The following LRRCC1 variants were observed in gnomAD, a reference collection of about 807,000 sequenced individuals.
The protein encoded by LRRCC1 is leucine rich repeat and coiled-coil centrosomal protein 1.
Under a neutral mutation model 126.0 loss-of-function variants are expected in LRRCC1, and 115 were observed. That is an observed-to-expected ratio of 0.91 (90% CI 0.78 to 1.07). The LOEUF is 1.07. Among genes scored for constraint, LRRCC1 ranks in the 50% least tolerant of loss-of-function variants. The pLI, the probability that LRRCC1 is intolerant of heterozygous loss-of-function variation, is 0.00. For synonymous variants in LRRCC1, 400 were observed against 393.4 expected, an observed-to-expected ratio of 1.02 and a Z score of -0.20; for missense variants, 1,172 against 1,175.7, an observed-to-expected ratio of 1.00 and a Z score of 0.05.
intron 10 of LRRCC1, 88 bp downstream of exon 10, chr8:85,129,467 C>T: frequency 8.7e-7 from 1 of 1,147,386 alleles, no homozygotes. Flanking sequence ...CCTAGAAAAC[C>T]TAAAAGATGT....
At chr8:85,121,665 T>TC (rs1489724359) in intron 6 of LRRCC1, among the ~76,000 whole-genome samples, 1 of 152,198 alleles carries the variant, frequency 6.6e-6, no homozygotes, top group Non-Finnish European at 1.5e-5. Flanking sequence ...GGTCTTGAAC[T>TC]CCCAAGCTCA....
At chr8:85,123,068 TA>T (rs1809690877) in intron 6 of LRRCC1, among the ~76,000 whole-genome samples, 2 of 152,204 alleles carry the variant, frequency 1.3e-5, no homozygotes, top group South Asian at 4.1e-4. Context: ...ATTCTCAGGC[TA>T]AAAACCATAA....
At chr8:85,141,057 C>T (rs1395513163) in intron 17 of LRRCC1, among the ~76,000 whole-genome samples, 8 of 151,920 alleles carry the variant, frequency 5.3e-5, no homozygotes, top group Non-Finnish European at 4.4e-5. Flanking sequence ...CACAGCCAGA[C>T]CCTGTCTCAA....
At position 85,115,129 on chromosome 8, in the gene LRRCC1, C is replaced by T; in HGVS notation, c.574C>T (p.Pro192Ser). Residue 192 changes from proline to serine, a missense_variant, in exon 5 of 19, where the codon CCA becomes TCA. Physicochemically the swap from Pro to Ser is moderately conservative, Grantham distance 74. Coordinates refer to ENST00000360375, the MANE Select transcript of LRRCC1 (RefSeq NM_033402.5). Reference protein sequence around the residue: ...GYRAVILQTLPQLRILDCKNI... With the variant: ...GYRAVILQTLSQLRILDCKNI... ...CAGAGCAGTTATTCTCCAGACTTTG[C>T]CACAGCTTAGAATCCTAGATTGCAA... The T allele has an allele frequency of 1.2e-6, 2 of 1,607,434 alleles. No homozygotes were observed.
intron 17 of LRRCC1, among the ~76,000 whole-genome samples, chr8:85,141,132 C>G (rs1811220574): frequency 2.0e-5 from 3 of 152,018 alleles, no homozygotes; most frequent in Admixed American, 2.0e-4. Context: ...CTCTAACTTT[C>G]AGAAAATGAA....
rs1181544268 is a variant in LRRCC1 at position 85,113,095 on chromosome 8, G to T, written c.540G>T (p.Leu180=). ...GAGACGATAATCCTGTCTGTCGACT[G>T]CCAGGTATGAATAATTAATTTAATA... is the stretch of plus-strand genomic sequence containing the variant. The part of the protein sequence containing the change: ...KDGDDNPVCR[L]PGYRAVILQT... Residue 180 remains leucine (L), a synonymous_variant, in exon 4 of 19, where the codon CTG becomes CTT. Coordinates refer to ENST00000360375, the MANE Select transcript of LRRCC1 (RefSeq NM_033402.5). 1 of 1,602,328 alleles carries T rather than the reference G, an allele frequency of 6.2e-7. No individual in the cohort carries two copies. Among genetic ancestry groups the T allele is most frequent in the Middle Eastern group, 1.7e-4 (1 of 6,032 alleles).
intron 3 of LRRCC1, 109 bp from the exon 4 acceptor site, chr8:85,112,823 T>G (rs573605488): frequency 6.2e-5 from 42 of 672,892 alleles, no homozygotes; most frequent in African/African-American, 3.1e-4. Context: ...CAGCAAGATC[T>G]AATGCTGCCC....
intron 17 of LRRCC1, among the ~76,000 whole-genome samples, chr8:85,138,846 ACTAGC>A (rs1811056411): frequency 6.6e-6 from 1 of 152,078 alleles, no homozygotes; most frequent in Non-Finnish European, 1.5e-5. Context: ...GGAGTTCAAG[ACTAGC>A]CTGGCCAACA....
chr8:85,127,544 G>C (rs1011349087), intron 9 of LRRCC1, among the ~76,000 whole-genome samples: 5 of 152,076 alleles, frequency 3.3e-5, no homozygotes, highest in African/African-American at 1.2e-4. Flanking sequence ...AGTTGCTCTT[G>C]GTTCCATTTC....
At chr8:85,132,099 C>T (rs913291783) in intron 12 of LRRCC1, 138 bp downstream of exon 12, 1 of 683,914 alleles carries the variant, frequency 1.5e-6, no homozygotes, top group African/African-American at 1.8e-5. Context: ...TCTTAGAGGC[C>T]TTAGTTTCCT....
intron 14 of LRRCC1, 99 bp from the exon 15 acceptor site, chr8:85,137,365 G>T: frequency 1.4e-6 from 1 of 715,314 alleles, no homozygotes; most frequent in Non-Finnish European, 2.0e-6. Context: ...TCTTTATTTA[G>T]TTTTTTTATT....
chr8:85,138,337 G>C lies in LRRCC1; in HGVS notation c.2703-1G>C, dbSNP rs759708146. 1 of 1,601,126 alleles carries C rather than the reference G, an allele frequency of 6.2e-7. No homozygotes were observed. The highest frequency in any genetic ancestry group is 8.5e-7 in the Non-Finnish European group (1 of 1,176,024). Reference sequence around the variant, plus strand: ...ATTTTTCAAATTACTTCTCATATTAGTACACTGAATCGGAAGTGGCATGAT... The same window carrying C: ...ATTTTTCAAATTACTTCTCATATTACTACACTGAATCGGAAGTGGCATGAT... On this transcript the variant is annotated splice_acceptor_variant, in intron 16 of 18. Transcript: ENST00000360375. LOFTEE classifies it high-confidence loss of function.
At position 85,138,113 on chromosome 8, in the gene LRRCC1, C is replaced by T. The variant is rs1310191944; in HGVS notation, c.2572C>T (p.Leu858Phe). 1 of 1,606,842 alleles carries T rather than the reference C, an allele frequency of 6.2e-7. No individual in the cohort carries two copies. The highest frequency in any genetic ancestry group is 2.2e-5 in the East Asian group (1 of 44,708). The change falls in exon 16 of 19, where the codon CTT becomes TTT. Residue 858 changes from leucine to phenylalanine, a missense_variant. Coordinates refer to ENST00000360375, the MANE Select transcript of LRRCC1 (RefSeq NM_033402.5). Reference sequence around the variant, plus strand: ...AATAGAAAAATGCACTCAAGAACAACTTGATGAAAAATCTTCACAACTGGA... The same window carrying T: ...AATAGAAAAATGCACTCAAGAACAATTTGATGAAAAATCTTCACAACTGGA... ...TEIEKCTQEQ[L>F]DEKSSQLDEV...
chr8:85,109,664 C>G lies in LRRCC1; in HGVS notation c.174C>G (p.Ile58Met). Reference sequence around the variant, plus strand: ...TTCATTGCAATAACATCTCCAAGATCGAAGCCATTGATCATATTTGGAATT... The same window carrying G: ...TTCATTGCAATAACATCTCCAAGATGGAAGCCATTGATCATATTTGGAATT... ...VNLHCNNISK[I>M]EAIDHIWNLQ... Residue 58 changes from isoleucine to methionine, a missense_variant, in exon 2 of 19, where the codon ATC becomes ATG. By Grantham distance (10) the Ile-to-Met change is conservative. Coordinates refer to ENST00000360375, the MANE Select transcript of LRRCC1 (RefSeq NM_033402.5). The G allele has an allele frequency of 6.2e-7, 1 of 1,611,116 alleles. No homozygotes were observed. Among genetic ancestry groups the G allele is most frequent in the African/African-American group, 1.3e-5 (1 of 74,956 alleles).
chr8:85,123,541 C>T lies in LRRCC1; in HGVS notation c.1059C>T (p.Ile353=). The change falls in exon 7 of 19, where the codon ATC becomes ATT. Residue 353 remains isoleucine, a synonymous_variant. Coordinates refer to ENST00000360375, the MANE Select transcript of LRRCC1 (RefSeq NM_033402.5). The stretch of plus-strand genomic sequence containing the variant: ...GAAAAGTTCCTCGAAGATCAAAAAT[C>T]CCTTATGATGCCAAAACCATTCAAA... ...CNRKVPRRSK[I]PYDAKTIQTI... is the part of the protein sequence containing the mutation. 2 of 1,610,648 alleles carry T rather than the reference C, an allele frequency of 1.2e-6. No individual in the cohort carries two copies. Among genetic ancestry groups the T allele is most frequent in the Non-Finnish European group, 1.7e-6 (2 of 1,178,988 alleles).
intron 8 of LRRCC1, among the ~76,000 whole-genome samples, chr8:85,125,400 G>A (rs1039173830): frequency 3.3e-5 from 5 of 151,996 alleles, no homozygotes; most frequent in Non-Finnish European, 7.4e-5. Flanking sequence ...AAGGCCGGGC[G>A]CGGTGGCTCA....
At chr8:85,116,887 T>C (rs955219784) in intron 6 of LRRCC1, among the ~76,000 whole-genome samples, 4 of 152,180 alleles carry the variant, frequency 2.6e-5, no homozygotes, top group African/African-American at 9.6e-5. Context: ...CAGAAATCCA[T>C]AGAGATTTCA....
chr8:85,145,575 TGTAATA>T lies in LRRCC1; in HGVS notation c.*68_*73del. ...ACCTATTGTAAAAATGATTAAATAT[TGTAATA>T]GTAGTAACTGCTATGACTTTGAAAT... is the stretch of plus-strand genomic sequence containing the variant. On this transcript the variant is annotated 3_prime_UTR_variant, in exon 19 of 19. Coordinates refer to ENST00000360375, the MANE Select transcript of LRRCC1 (RefSeq NM_033402.5). 2 of 1,368,806 alleles carry T rather than the reference TGTAATA, an allele frequency of 1.5e-6. No homozygotes were observed. Among genetic ancestry groups the T allele is most frequent in the Non-Finnish European group, 2.0e-6 (2 of 1,012,880 alleles). The allele number at this position is 1,368,806 out of a possible 1,614,324, so 84.8% of individuals were successfully genotyped here. A position where few individuals can be genotyped will look rare whatever the true frequency, so the allele number is the denominator to read the frequency against.
chr8:85,107,300 AGGCGGCGGC>A lies in LRRCC1; in HGVS notation c.11_19del (p.Ala4_Ala6del). The A allele has an allele frequency of 1.2e-6, 2 of 1,611,726 alleles. No individual in the cohort carries two copies. Among genetic ancestry groups the A allele is most frequent in the Non-Finnish European group, 1.7e-6 (2 of 1,179,044 alleles). On this transcript the variant is annotated inframe_deletion, in exon 1 of 19. Coordinates refer to ENST00000360375, the MANE Select transcript of LRRCC1 (RefSeq NM_033402.5). ...CCGCTCCCCGTCGCCAGTGCTATGG[AGGCGGCGGC>A]GGCGGTGGTGGCGGCAGAGGCGGAA...
Sources: allele counts gnomAD v4.1 joint callset (sites outside exome capture counted in the v4.1 genomes callset), GRCh38; gene constraint gnomAD v4.1.1; transcripts MANE v1.5; gene names NCBI Gene and HGNC (gene_info 2026-07-23, HGNC 2026-07-21).